Variants in SPAG5 observed in about 807,000 individuals in gnomAD.
The protein encoded by SPAG5 is sperm-associated antigen 5.
A neutral mutation model predicts 145.4 loss-of-function variants in SPAG5; 99 were observed. The ratio of observed to expected loss-of-function variants is 0.68; its 90% confidence interval spans 0.58 to 0.80. The LOEUF is 0.80. SPAG5 is among the 30% of genes least tolerant of loss of function. The pLI, the probability that SPAG5 is intolerant of heterozygous loss-of-function variation, is 0.00. For synonymous variants in SPAG5, 477 were observed against 525.4 expected, an observed-to-expected ratio of 0.91 and a Z score of 1.26; for missense variants, 1,192 against 1,416.0, an observed-to-expected ratio of 0.84 and a Z score of 2.54.
Position 28,583,967 on chromosome 17 carries a change from T to C in SPAG5, c.2432A>G (p.Gln811Arg), listed in dbSNP as rs2151520324. The change falls in exon 14 of 24, where the codon CAG (glutamine) becomes CGG (arginine). Residue 811 changes from glutamine (Q) to arginine (R), a missense_variant. Gln to Arg is a conservative substitution (Grantham distance 43, BLOSUM62 1). Transcript: ENST00000321765. Reference protein sequence around the residue: ...ETLEFADQENQVAHLELGQVE... With the variant: ...ETLEFADQENRVAHLELGQVE... The stretch of plus-strand genomic sequence containing the variant: ...CTGACCCAGCTCCAGGTGAGCAACC[T>C]GATTCTCCTGGTCTGCAAACTGGGA... The C allele has an allele frequency of 1.9e-6, 3 of 1,614,148 alleles. No individual in the cohort carries two copies. Among genetic ancestry groups the C allele is most frequent in the Non-Finnish European group, 2.5e-6 (3 of 1,180,030 alleles).
chr17:28,585,780 C>A, intron 7 of SPAG5, 84 bp downstream of exon 7: 1 of 1,608,784 alleles, frequency 6.2e-7, no homozygotes, highest in East Asian at 2.2e-5. Flanking sequence ...GGCCACCCAT[C>A]TGTGTCTAAA....
intron 15 of SPAG5, among the ~76,000 whole-genome samples, chr17:28,581,842 A>G (rs926116984): frequency 1.4e-4 from 22 of 152,060 alleles, no homozygotes; most frequent in Admixed American, 6.5e-5. Flanking sequence ...TCCTATTGCT[A>G]TCCCTCCTGC....
At position 28,579,253 on chromosome 17, in the gene SPAG5, C is replaced by A; in HGVS notation, c.3006-1G>T. 6.2e-7 allele frequency: 1 copy of A among 1,614,162 alleles called. No homozygotes were observed. Among genetic ancestry groups the A allele is most frequent in the Non-Finnish European group, 8.5e-7 (1 of 1,180,000 alleles). On this transcript the variant is annotated splice_acceptor_variant, in intron 18 of 23. Transcript: ENST00000321765. LOFTEE classifies it high-confidence loss of function. ...CTGCAGCCTAGCTTGCAGCTCACAA[C>A]TGAAGGAAGGAAGAATTTAGCAACA...
In SPAG5 at chr17:28,592,480, G is replaced by A; in HGVS notation, c.764C>T (p.Ala255Val). 1 of 1,613,834 alleles carries A rather than the reference G, an allele frequency of 6.2e-7. No homozygotes were observed. Among genetic ancestry groups the A allele is most frequent in the Non-Finnish European group, 8.5e-7 (1 of 1,180,046 alleles). Reference protein sequence around the residue: ...VLWLSPSTALAADFRVNHVDP... With the variant: ...VLWLSPSTALVADFRVNHVDP... Reference sequence around the variant, plus strand: ...CACATGATTGACACGGAAATCTGCTGCCAAGGCAGTTGAAGGGGAAAGCCA... The same window carrying A: ...CACATGATTGACACGGAAATCTGCTACCAAGGCAGTTGAAGGGGAAAGCCA... Residue 255 changes from alanine to valine, a missense_variant, in exon 3 of 24, where the codon GCA (alanine) becomes GTA (valine). Ala to Val is a moderately conservative substitution (Grantham distance 64, BLOSUM62 0). Coordinates refer to ENST00000321765, the MANE Select transcript of SPAG5 (RefSeq NM_006461.4).
At chr17:28,580,263 C>G in intron 15 of SPAG5, 143 bp from the exon 16 acceptor site, 1 of 521,420 alleles carries the variant, frequency 1.9e-6, no homozygotes, top group Non-Finnish European at 3.5e-6. Context: ...TAGTGCCTTT[C>G]TCTGAACATG....
intron 20 of SPAG5, 54 bp from the exon 21 acceptor site, chr17:28,578,582 G>A (rs893752576): frequency 4.4e-6 from 7 of 1,609,134 alleles, no homozygotes; most frequent in Admixed American, 3.3e-5. Flanking sequence ...GACAACATGT[G>A]GTGAACAAAA....
At chr17:28,579,055 C>T (rs2070529633) in intron 19 of SPAG5, 86 bp downstream of exon 19, 1 of 1,171,830 alleles carries the variant, frequency 8.5e-7, no homozygotes, top group Non-Finnish European at 1.2e-6. Context: ...CCCCACCACC[C>T]AGATTCCTGG....
At chr17:28,598,688 A>AGCCC in intron 1 of SPAG5, 53 bp from the exon 2 acceptor site, 1 of 1,559,940 alleles carries the variant, frequency 6.4e-7, no homozygotes, top group Non-Finnish European at 8.7e-7. Context: ...GGGTTCTGCC[A>AGCCC]GCCCGCCCCT....
intron 2 of SPAG5, 100 bp from the exon 3 acceptor site, chr17:28,593,166 T>C: frequency 7.2e-7 from 1 of 1,388,390 alleles, no homozygotes; most frequent in Admixed American, 2.2e-5. Context: ...AAAAGAATTC[T>C]TACTACCTCT....
chr17:28,586,865 C>A (rs560941419), intron 4 of SPAG5, among the ~76,000 whole-genome samples: 102 of 152,220 alleles, frequency 6.7e-4, no homozygotes, highest in African/African-American at 2.5e-3. Context: ...CATGTACCAC[C>A]AGCACCTCAT....
chr17:28,579,315 T>A, intron 18 of SPAG5, 50 bp downstream of exon 18: 1 of 1,613,766 alleles, frequency 6.2e-7, no homozygotes, highest in Non-Finnish European at 8.5e-7. Flanking sequence ...ACCCTTGGCA[T>A]AAGAGGATGT....
chr17:28,594,959 C>T (rs1420627723), intron 2 of SPAG5, among the ~76,000 whole-genome samples: 1 of 143,716 alleles, frequency 7.0e-6, no homozygotes. Flanking sequence ...GACCCTGTCT[C>T]AAAAAAAAAA....
At chr17:28,581,362 A>G (rs1025272936) in intron 15 of SPAG5, among the ~76,000 whole-genome samples, 54 of 152,018 alleles carry the variant, frequency 3.6e-4, no homozygotes, top group South Asian at 1.3e-3. Flanking sequence ...GGCGGGAGCC[A>G]CTCAACATCT....
chr17:28,584,842 C>T, intron 10 of SPAG5, 97 bp from the exon 11 acceptor site: 1 of 986,206 alleles, frequency 1.0e-6, no homozygotes, highest in Non-Finnish European at 1.6e-6. Flanking sequence ...CAGAAAACTA[C>T]CTTGCTCCTG....
intron 15 of SPAG5, chr17:28,582,873 G>GT (rs2151520029): frequency 6.6e-6 from 1 of 152,312 alleles, no homozygotes; most frequent in African/African-American, 2.4e-5. Flanking sequence ...CAAAAGAAGA[G>GT]TAAGTTCATG....
At chr17:28,578,651 T>C in intron 20 of SPAG5, 21 bp downstream of exon 20, 1 of 1,612,426 alleles carries the variant, frequency 6.2e-7, no homozygotes, top group Non-Finnish European at 8.5e-7. Flanking sequence ...GGCAAAGGCC[T>C]GGGCATGATG....
In SPAG5 at chr17:28,592,953, T is replaced by G; in HGVS notation, c.291A>C (p.Ser97=). ...SKWLETCQHE[S]DEQPLDPIPQ... is the part of the protein sequence containing the mutation. The stretch of plus-strand genomic sequence containing the variant: ...GAATTGGATCTAGAGGCTGCTCATC[T>G]GATTCATGCTGACAAGTTTCTAGCC... The change falls in exon 3 of 24, where the codon TCA becomes TCC. Residue 97 remains serine, a synonymous_variant. Transcript: ENST00000321765. The G allele has an allele frequency of 6.2e-7, 1 of 1,614,220 alleles. No individual in the cohort carries two copies. The highest frequency in any genetic ancestry group is 8.5e-7 in the Non-Finnish European group (1 of 1,180,032).
rs2070662747 is a variant in SPAG5, at chr17:28,596,086, T to A, written c.177+2424A>T. Among the ~76,000 whole-genome samples the A allele has an allele frequency of 4.0e-5, 6 of 151,446 alleles. No individual in the cohort carries two copies. The South Asian group carries it at 1.3e-3, about 32-fold the overall frequency. On this transcript the variant is annotated intron_variant, in intron 2 of 23. Coordinates refer to ENST00000321765, the MANE Select transcript of SPAG5 (RefSeq NM_006461.4). ...CCAGGCGTGGTGGCACACACCGTAA[T>A]CCCAGCTACTTGGGAGGGTGAGGCA...
At chr17:28,584,889 GA>G (rs1396341575) in intron 10 of SPAG5, 144 bp from the exon 11 acceptor site, 1 of 792,634 alleles carries the variant, frequency 1.3e-6, no homozygotes. Context: ...TGATCCTCAG[GA>G]AAAAGTAGAG....
Sources: gnomAD v4.1 joint callset for allele counts (sites outside exome capture counted in the v4.1 genomes callset) on GRCh38, gnomAD v4.1.1 for gene constraint, MANE v1.5 for transcripts, NCBI Gene and HGNC (gene_info 2026-07-23, HGNC 2026-07-21) for gene names.